ARHGAP28: variants seen among roughly 807,000 people sequenced by gnomAD.
ARHGAP28 encodes rho GTPase-activating protein 28.
ARHGAP28 carries 56 observed loss-of-function variants against 90.7 expected under a neutral mutation model. The observed-to-expected ratio is 0.62, with a 90% CI of 0.50 to 0.77. The LOEUF is 0.77. ARHGAP28 is among the 30% of genes least tolerant of loss of function. The pLI, the probability that ARHGAP28 is intolerant of heterozygous loss-of-function variation, is 0.00. For synonymous variants in ARHGAP28, 308 were observed against 323.3 expected (o/e 0.95, Z 0.51); for missense variants, 869 against 900.9 (o/e 0.96, Z 0.45).
chr18:6,850,024 CTAG>C (rs1392507308), intron 3 of ARHGAP28, among the ~76,000 whole-genome samples: 2 of 151,974 alleles, frequency 1.3e-5, no homozygotes, highest in Non-Finnish European at 2.9e-5. Flanking sequence ...TATTTGTATG[CTAG>C]TAGATTTTGC....
At chr18:6,861,474 C>T (rs1431762388) in intron 5 of ARHGAP28, among the ~76,000 whole-genome samples, 1 of 152,136 alleles carries the variant, frequency 6.6e-6, no homozygotes, top group African/African-American at 2.4e-5. Context: ...TTACAGCCTG[C>T]GGTGGTTCTC....
intron 1 of ARHGAP28, among the ~76,000 whole-genome samples, chr18:6,794,999 A>C (rs754523071): frequency 6.6e-6 from 1 of 152,048 alleles, no homozygotes; most frequent in African/African-American, 2.4e-5. Context: ...TTTAATTGCA[A>C]TTTTTCTTAG....
intron 1 of ARHGAP28, among the ~76,000 whole-genome samples, chr18:6,815,904 TG>T (rs1405561919): frequency 6.9e-6 from 1 of 144,784 alleles, no homozygotes; most frequent in East Asian, 2.0e-4. Context: ...GATGTGTCAT[TG>T]TTTTTTTTTT....
chr18:6,743,510 C>T (rs1162905824), intron 1 of ARHGAP28, among the ~76,000 whole-genome samples: 1 of 152,082 alleles, frequency 6.6e-6, no homozygotes, highest in Non-Finnish European at 1.5e-5. Flanking sequence ...TCTGAGCATC[C>T]CTTCCTTTAC....
chr18:6,760,658 G>A lies in ARHGAP28; in HGVS notation c.122+30715G>A, dbSNP rs1046326636. Among the ~76,000 whole-genome samples the A allele has an allele frequency of 4.6e-5, 7 of 152,224 alleles. 2 individuals are homozygous for A. On this transcript the variant is annotated intron_variant, in intron 1 of 17. Coordinates refer to ENST00000383472, the MANE Select transcript of ARHGAP28 (RefSeq NM_001366230.1). Reference sequence around the variant, plus strand: ...GATTGCTTTGATAAAGCAATAATTAGCATTGATGTCAAATTTATTATTATC... The same window carrying A: ...GATTGCTTTGATAAAGCAATAATTAACATTGATGTCAAATTTATTATTATC...
In ARHGAP28 at chr18:6,896,646, G is replaced by A. The variant is rs377764911; in HGVS notation, c.2030+20G>A. 16 of 1,613,290 alleles carry A rather than the reference G, an allele frequency of 9.9e-6. No homozygotes were observed. In the African/African-American group the frequency reaches 1.9e-4, roughly 19 times the overall value. ...AAACAGGTGAGTCAATGTGAATGAA[G>A]GTCTCTGCACAAGAAGGAAAAACCT... On this transcript the variant is annotated intron_variant, in intron 16 of 17. Transcript: ENST00000383472.
chr18:6,753,973 C>T (rs951298732), intron 1 of ARHGAP28, among the ~76,000 whole-genome samples: 4 of 152,198 alleles, frequency 2.6e-5, no homozygotes, highest in African/African-American at 7.2e-5. Context: ...TTCAGTATTA[C>T]ATCAATAGCT....
chr18:6,890,152 T>A, intron 13 of ARHGAP28, 67 bp downstream of exon 13: 1 of 1,557,964 alleles, frequency 6.4e-7, no homozygotes, highest in Non-Finnish European at 8.8e-7. Flanking sequence ...AAAGCCTCCA[T>A]GATTGGGCAA....
At chr18:6,827,893 A>G (rs2056684603) in intron 2 of ARHGAP28, among the ~76,000 whole-genome samples, 1 of 145,870 alleles carries the variant, frequency 6.9e-6, no homozygotes, top group Non-Finnish European at 1.5e-5. Context: ...GGCGCTCCTC[A>G]CTTCCTAGAT....
chr18:6,749,914 G>A (rs2056055479), intron 1 of ARHGAP28, among the ~76,000 whole-genome samples: 1 of 152,158 alleles, frequency 6.6e-6, no homozygotes, highest in Non-Finnish European at 1.5e-5. Context: ...TACCCTCAGT[G>A]TACATTTAAA....
chr18:6,890,454 G>C lies in ARHGAP28; in HGVS notation c.1759G>C (p.Val587Leu), dbSNP rs762310570. 1.5e-5 allele frequency: 24 copies of C among 1,612,672 alleles called. No homozygotes were observed. The highest frequency in any genetic ancestry group is 2.0e-5 in the Non-Finnish European group (24 of 1,179,238). Residue 587 changes from valine (V) to leucine (L), a missense_variant, in exon 14 of 18, where the codon GTA becomes CTA. Physicochemically the swap from Val to Leu is conservative, Grantham distance 32 (BLOSUM62 1). Transcript: ENST00000383472. ...WKVPSFLITQ[V>L]RRMNEATMLL... ...GGTTCCATCTTTCTTAATCACTCAA[G>C]TAAGAAGAATGAATGAAGCCACGAT...
At chr18:6,796,600 G>A (rs2143593065) in intron 1 of ARHGAP28, among the ~76,000 whole-genome samples, 1 of 152,082 alleles carries the variant, frequency 6.6e-6, no homozygotes, top group African/African-American at 2.4e-5. Context: ...TCATTCTGAA[G>A]TTAGTCTCGC....
chr18:6,876,053 A>G (rs2057128594), intron 9 of ARHGAP28, 78 bp from the exon 10 acceptor site: 1 of 1,161,186 alleles, frequency 8.6e-7, no homozygotes, highest in Admixed American at 1.7e-5. Flanking sequence ...TTATTGATTC[A>G]TGTCATCATT....
intron 3 of ARHGAP28, among the ~76,000 whole-genome samples, chr18:6,841,162 TCTCTCCTCTCTCTCTCTC>T (rs1419936028): frequency 3.9e-5 from 4 of 102,406 alleles, no homozygotes; most frequent in South Asian, 3.3e-4. Context: ...CCTCTTTCTC[TCTCTCCTCTCTCTCTCTC>T]CTCTCTCTCT....
chr18:6,899,486 C>T (rs1354979841), intron 16 of ARHGAP28, among the ~76,000 whole-genome samples: 3 of 152,104 alleles, frequency 2.0e-5, no homozygotes, highest in East Asian at 1.9e-4. Context: ...GGTGGCCTAA[C>T]CACAGAAAAC....
At chr18:6,875,199 G>T (rs551609230) in intron 9 of ARHGAP28, among the ~76,000 whole-genome samples, 1 of 152,176 alleles carries the variant, frequency 6.6e-6, no homozygotes, top group Non-Finnish European at 1.5e-5. Context: ...ACTAAATATG[G>T]ATTTATATCA....
At chr18:6,840,151 G>A (rs547697358) in intron 3 of ARHGAP28, among the ~76,000 whole-genome samples, 27 of 152,288 alleles carry the variant, frequency 1.8e-4, no homozygotes, top group African/African-American at 5.5e-4. Flanking sequence ...TGCTATTACT[G>A]TAAATAAAAG....
chr18:6,777,173 T>C (rs1469278424), intron 1 of ARHGAP28, among the ~76,000 whole-genome samples: 2 of 152,148 alleles, frequency 1.3e-5, no homozygotes, highest in East Asian at 3.9e-4. Context: ...ACTTGAACAC[T>C]GGGTGTACAG....
chr18:6,782,635 A>G lies in ARHGAP28; in HGVS notation c.123-42127A>G, dbSNP rs570659135. ...TTTTTTTTTTTTTTTTTTTTAGTAG[A>G]GACGGGGTTTCACCATGTTGACCAG... On this transcript the variant is annotated intron_variant, in intron 1 of 17. Transcript: ENST00000383472. 5.5e-5 allele frequency among the ~76,000 whole-genome samples: 4 copies of G among 72,680 alleles called. 1 individual carries two copies. The highest frequency in any genetic ancestry group is 1.1e-3 in the South Asian group (2 of 1,834). 47.7% of individuals were successfully genotyped at this position (72,680 alleles called of 152,430 possible). A position where few individuals can be genotyped will look rare whatever the true frequency, so the allele number is the denominator to read the frequency against.
Sources: gnomAD v4.1 joint callset for allele counts (sites outside exome capture counted in the v4.1 genomes callset) on GRCh38, gnomAD v4.1.1 for gene constraint, MANE v1.5 for transcripts, NCBI Gene and HGNC (gene_info 2026-07-23, HGNC 2026-07-21) for gene names.